Variants in TAF1B observed in about 807,000 individuals in gnomAD.
TAF1B encodes the protein TATA-box binding protein associated factor, RNA polymerase I subunit B, also known as TATA box-binding protein-associated factor RNA polymerase I subunit B.
In TAF1B, 61 loss-of-function variants were observed where a neutral mutation model predicts 83.9. The observed-to-expected ratio is 0.73, with a 90% CI of 0.59 to 0.90. TAF1B has a LOEUF of 0.90. Among genes scored for constraint, TAF1B ranks in the 40% least tolerant of loss-of-function variants. TAF1B has a pLI of 0.00. For missense variants in TAF1B, 625 were observed against 677.0 expected, an observed-to-expected ratio of 0.92 and a Z score of 0.85; for synonymous variants, 221 against 224.6, an observed-to-expected ratio of 0.98 and a Z score of 0.14.
chr2:9,888,703 T>G (rs548642105), intron 8 of TAF1B, among the ~76,000 whole-genome samples: 1 of 151,952 alleles, frequency 6.6e-6, no homozygotes, highest in South Asian at 2.1e-4. Context: ...CTTTAGCTGC[T>G]TTTTAAGATT....
chr2:9,919,707 T>C lies in TAF1B; in HGVS notation c.1452T>C (p.Thr484=). Residue 484 remains threonine, a synonymous_variant, in exon 14 of 15, where the codon ACT becomes ACC. Coordinates refer to ENST00000263663, the MANE Select transcript of TAF1B (RefSeq NM_005680.3). Reference sequence around the variant, plus strand: ...AGTTCAACTGGACTGAAGAGGACACTGATAGAACGTGTTTCCATGGACACA... The same window carrying C: ...AGTTCAACTGGACTGAAGAGGACACCGATAGAACGTGTTTCCATGGACACA... ...SFQFNWTEED[T]DRTCFHGHSL... is the part of the protein sequence containing the mutation. 1.2e-6 allele frequency: 2 copies of C among 1,614,194 alleles called. No homozygotes were observed. Among genetic ancestry groups the C allele is most frequent in the Non-Finnish European group, 1.7e-6 (2 of 1,180,024 alleles).
At chr2:9,873,730 C>T (rs1423257936) in intron 6 of TAF1B, among the ~76,000 whole-genome samples, 2 of 149,108 alleles carry the variant, frequency 1.3e-5, no homozygotes, top group Non-Finnish European at 3.0e-5. Context: ...TCTTTTCTCT[C>T]ATGCTTTACA....
chr2:9,893,610 C>G (rs1212499408), intron 8 of TAF1B, among the ~76,000 whole-genome samples: 3 of 152,166 alleles, frequency 2.0e-5, no homozygotes, highest in Non-Finnish European at 2.9e-5. Context: ...ATTGCTTGAG[C>G]CTTGGGAGGT....
chr2:9,922,731 T>G (rs1665913252), intron 14 of TAF1B, among the ~76,000 whole-genome samples: 1 of 152,154 alleles, frequency 6.6e-6, no homozygotes, highest in Non-Finnish European at 1.5e-5. Context: ...TAAGGAGGAC[T>G]CTGTTTTATT....
intron 9 of TAF1B, among the ~76,000 whole-genome samples, chr2:9,907,275 A>G (rs1241903797): frequency 6.6e-6 from 1 of 151,828 alleles, no homozygotes; most frequent in East Asian, 1.9e-4. Flanking sequence ...TAAAATGTTT[A>G]CAGTTGGTTT....
chr2:9,885,434 G>A (rs411413), intron 8 of TAF1B, among the ~76,000 whole-genome samples: 42,441 of 152,178 alleles, frequency 0.28, 6,900 homozygotes, highest in Middle Eastern at 0.4. Context: ...CATAAATGTA[G>A]TTAATTCATG....
chr2:9,848,670 A>AAT (rs200961150), intron 2 of TAF1B, among the ~76,000 whole-genome samples: 6,680 of 152,068 alleles, frequency 0.044, 194 homozygotes, highest in Non-Finnish European at 0.066. Flanking sequence ...CCCTCTCAAA[A>AAT]AAAAAAAGAA....
chr2:9,932,848 G>A lies in TAF1B; in HGVS notation c.1566-935G>A, dbSNP rs927115869. ...TCTGCCCGGTTTGAGCTTCCTGACC[G>A]CTTTGTTTACCTACTCAAGCCTCAG... On this transcript the variant is annotated intron_variant, in intron 14 of 14. Coordinates refer to ENST00000263663, the MANE Select transcript of TAF1B (RefSeq NM_005680.3). 5.9e-5 allele frequency among the ~76,000 whole-genome samples: 9 copies of A among 152,190 alleles called. No individual in the cohort carries two copies. In the South Asian group the frequency reaches 6.2e-4, roughly 11 times the overall value.
At chr2:9,931,111 C>T (rs1666197511) in intron 14 of TAF1B, among the ~76,000 whole-genome samples, 1 of 152,128 alleles carries the variant, frequency 6.6e-6, no homozygotes, top group South Asian at 2.1e-4. Context: ...TGGGTCTTGA[C>T]TCTTTATCCA....
Position 9,875,897 on chromosome 2 carries a change from G to A in TAF1B, c.586G>A (p.Val196Ile). ...TSVCSGSLDG[V>I]EYSQRKEKGI... ...TGTCTGCTCTGGATCTCTGGATGGAGTTGAATACTCACAACGAAAGGAGAA... is the reference window on the plus strand; with the variant it reads ...TGTCTGCTCTGGATCTCTGGATGGAATTGAATACTCACAACGAAAGGAGAA... The change falls in exon 7 of 15, where the codon GTT becomes ATT. Residue 196 changes from valine (V) to isoleucine (I), a missense_variant. Coordinates refer to ENST00000263663, the MANE Select transcript of TAF1B (RefSeq NM_005680.3). 3.1e-6 allele frequency: 5 copies of A among 1,611,840 alleles called. No individual in the cohort carries two copies. The highest frequency in any genetic ancestry group is 1.3e-5 in the African/African-American group (1 of 75,004).
chr2:9,897,572 A>G lies in TAF1B; in HGVS notation c.808-7287A>G, dbSNP rs192386937. ...ATGTAATACTGGGTCAGCCAAACCC[A>G]CTGCGTGGCACTTAGCCAGGATGAT... On this transcript the variant is annotated intron_variant, in intron 8 of 14. Coordinates refer to ENST00000263663, the MANE Select transcript of TAF1B (RefSeq NM_005680.3). Among the ~76,000 whole-genome samples, 529 of 152,324 alleles carry G rather than the reference A, an allele frequency of 3.5e-3. 1 individual carries two copies. The highest frequency in any genetic ancestry group is 5.7e-3 in the Non-Finnish European group (391 of 68,012).
At chr2:9,875,829 C>G (rs748687123) in intron 6 of TAF1B, 36 bp from the exon 7 acceptor site, 2 of 1,541,992 alleles carry the variant, frequency 1.3e-6, no homozygotes, top group Admixed American at 1.9e-5. Flanking sequence ...CCAAATAGTT[C>G]ACTGGATTTT....
chr2:9,869,597 C>T (rs537229446), intron 6 of TAF1B, among the ~76,000 whole-genome samples: 13 of 151,584 alleles, frequency 8.6e-5, no homozygotes, highest in Admixed American at 4.6e-4. Context: ...AATCAATGGC[C>T]GGGCGTAGTG....
chr2:9,906,819 T>A (rs1437753018), intron 9 of TAF1B, among the ~76,000 whole-genome samples: 1 of 152,206 alleles, frequency 6.6e-6, no homozygotes, highest in Non-Finnish European at 1.5e-5. Flanking sequence ...CCTTTATGTA[T>A]CTTATAAATA....
At chr2:9,915,314 A>C (rs1394015243) in intron 12 of TAF1B, among the ~76,000 whole-genome samples, 1 of 152,220 alleles carries the variant, frequency 6.6e-6, no homozygotes, top group East Asian at 1.9e-4. Context: ...ATTGGACTTC[A>C]TCAGAAGTAA....
intron 5 of TAF1B, among the ~76,000 whole-genome samples, chr2:9,862,805 AAAG>A (rs1663820540): frequency 6.6e-6 from 1 of 152,234 alleles, no homozygotes; most frequent in African/African-American, 2.4e-5. Context: ...TTCTTAAAGA[AAAG>A]AATTTTCAAC....
intron 5 of TAF1B, among the ~76,000 whole-genome samples, chr2:9,857,441 C>G (rs1663599605): frequency 1.3e-5 from 2 of 152,108 alleles, no homozygotes; most frequent in South Asian, 4.2e-4. Context: ...AATGATGACT[C>G]TAAGGATTTT....
In TAF1B at chr2:9,910,758, C is replaced by G. The variant is rs746361667; in HGVS notation, c.978C>G (p.Cys326Trp). ...NLPDEMHSLT[C>W]HVVKMTGMGE... is the part of the protein sequence containing the mutation. ...CAGATGAAATGCATAGCTTAACTTG[C>G]CACGTGGTAAAAATGACTGGAATGG... is the stretch of plus-strand genomic sequence containing the variant. The change falls in exon 10 of 15, where the codon TGC becomes TGG. Residue 326 changes from cysteine (C) to tryptophan (W), a missense_variant. Coordinates refer to ENST00000263663, the MANE Select transcript of TAF1B (RefSeq NM_005680.3). 6.2e-7 allele frequency: 1 copy of G among 1,610,794 alleles called. No individual in the cohort carries two copies. The highest frequency in any genetic ancestry group is 8.5e-7 in the Non-Finnish European group (1 of 1,178,422).
intron 8 of TAF1B, among the ~76,000 whole-genome samples, chr2:9,891,790 AC>A (rs1160911326): frequency 2.0e-5 from 3 of 152,222 alleles, no homozygotes; most frequent in African/African-American, 7.2e-5. Context: ...ATAGAAAAAA[AC>A]ATTATGGAAT....
Sources: allele counts gnomAD v4.1 joint callset (sites outside exome capture counted in the v4.1 genomes callset), GRCh38; gene constraint gnomAD v4.1.1; transcripts MANE v1.5; gene names NCBI Gene and HGNC (gene_info 2026-07-23, HGNC 2026-07-21).